Variants in FMNL1 observed in about 807,000 individuals in gnomAD.
FMNL1 encodes formin like 1.
Under a neutral mutation model 121.3 loss-of-function variants are expected in FMNL1, and 43 were observed. That is an observed-to-expected ratio of 0.35 (90% confidence interval 0.28 to 0.46). FMNL1 has a LOEUF of 0.46. FMNL1 is among the 20% of genes least tolerant of loss of function. FMNL1 has a pLI of 1.00. For missense variants in FMNL1, 1,191 were observed against 1,482.4 expected (o/e 0.80, Z 3.23); for synonymous variants, 613 against 613.5 (o/e 1.00, Z 0.01).
intron 1 of FMNL1, 115 bp downstream of exon 1, chr17:45,222,368 C>G (rs1442161482): frequency 1.1e-6 from 1 of 874,728 alleles, no homozygotes; most frequent in Non-Finnish European, 1.4e-6. Context: ...GATCCCCGGT[C>G]CGGCAGCTGC....
At position 45,243,186 on chromosome 17, in the gene FMNL1, C is replaced by A. The variant is rs779599301; in HGVS notation, c.2079C>A (p.Ser693Arg). ...TKSQGPSLDL[S>R]ALKSKAAQKA... ...CCCAAGGCCCCAGCCTGGACCTCAGCGCTCTCAAGAGTAAGGCAGCCCAGA... is the reference window on the plus strand; with the variant it reads ...CCCAAGGCCCCAGCCTGGACCTCAGAGCTCTCAAGAGTAAGGCAGCCCAGA... The change falls in exon 17 of 27, where the codon AGC becomes AGA. Residue 693 changes from serine (S) to arginine (R), a missense_variant. Ser to Arg is a moderately radical substitution (Grantham distance 110). Around this residue, in one of 4 missense-constraint regions of FMNL1, gnomAD observed 519 missense variants for 492.8 expected, o/e 1.05. Transcript: ENST00000331495. 10 of 1,614,236 alleles carry A rather than the reference C, an allele frequency of 6.2e-6. No individual in the cohort carries two copies. The South Asian group carries it at 1.1e-4, about 18-fold the overall frequency.
chr17:45,236,492 T>C (rs912750873), intron 7 of FMNL1: 14 of 406,692 alleles, frequency 3.4e-5, no homozygotes, highest in African/African-American at 2.9e-4. Context: ...GAGCCTCACA[T>C]AGGGACTGGG....
chr17:45,234,663 CAAAA>C (rs58221219), intron 6 of FMNL1: 44 of 69,138 alleles, frequency 6.4e-4, no homozygotes, highest in South Asian at 4.4e-3. Flanking sequence ...GACCCTGTCT[CAAAA>C]AAAAAAAAAA....
intron 15 of FMNL1, 70 bp downstream of exon 15, chr17:45,242,216 C>G (rs927409520): frequency 1.9e-6 from 3 of 1,551,588 alleles, no homozygotes; most frequent in Non-Finnish European, 8.7e-7. Flanking sequence ...GCCTCAGTGT[C>G]CTCCAGGGTC....
At chr17:45,222,523 C>T (rs2043248412) in intron 1 of FMNL1, among the ~76,000 whole-genome samples, 1 of 152,180 alleles carries the variant, frequency 6.6e-6, no homozygotes, top group African/African-American at 2.4e-5. Context: ...ACAAGTATGT[C>T]CTGTGAAGAA....
Position 45,242,364 on chromosome 17 carries a change from C to G in FMNL1, c.1909C>G (p.Gln637Glu). 1 of 1,614,088 alleles carries G rather than the reference C, an allele frequency of 6.2e-7. No homozygotes were observed. The highest frequency in any genetic ancestry group is 8.5e-7 in the Non-Finnish European group (1 of 1,179,944). The change falls in exon 16 of 27, where the codon CAG becomes GAG. Residue 637 changes from glutamine (Q) to glutamate (E), a missense_variant. Physicochemically the swap from Gln to Glu is conservative, Grantham distance 29. This residue lies in a region of FMNL1 where 519 missense variants were observed against 492.8 expected (regional missense o/e 1.05). Coordinates refer to ENST00000331495, the MANE Select transcript of FMNL1 (RefSeq NM_005892.4). The stretch of plus-strand genomic sequence containing the variant: ...AGGAGTGAAGGCCAAGAAGCCCATC[C>G]AGACTAAGTTCCGAATGCCACTCTT... ...GPGVKAKKPI[Q>E]TKFRMPLLNW...
Position 45,233,961 on chromosome 17 carries a change from C to T in FMNL1, c.486-111C>T, listed in dbSNP as rs886422189. The T allele has an allele frequency of 3.3e-5, 49 of 1,466,858 alleles. No individual in the cohort carries two copies. In the South Asian group the frequency reaches 3.9e-4, roughly 12 times the overall value. 90.9% of individuals were successfully genotyped at this position (1,466,858 alleles called of 1,614,324 possible). On this transcript the variant is annotated intron_variant, in intron 5 of 26. Coordinates refer to ENST00000331495, the MANE Select transcript of FMNL1 (RefSeq NM_005892.4). This position sits in a 1 kb window ranked among gnomAD's most constrained non-coding sequence, Gnocchi z 4.1. ...ACAGTGCCAAGAACACAGCCTCCTC[C>T]TCCTGCTCCTTAGTCTCACCTGCAG...
Position 45,244,973 on chromosome 17 carries a change from G to C in FMNL1, c.2599-6G>C. On this transcript the variant is annotated splice_polypyrimidine_tract_variant and splice_region_variant and intron_variant, in intron 20 of 26. Coordinates refer to ENST00000331495, the MANE Select transcript of FMNL1 (RefSeq NM_005892.4). ...GGCCTGTGGCTTACAATGGGTCCTT[G>C]TGCAGCTGTTGGAGATGAAGTCGAC... is the stretch of plus-strand genomic sequence containing the variant. 2 of 1,612,946 alleles carry C rather than the reference G, an allele frequency of 1.2e-6. No individual in the cohort carries two copies. Among genetic ancestry groups the C allele is most frequent in the Non-Finnish European group, 1.7e-6 (2 of 1,179,104 alleles).
intron 17 of FMNL1, among the ~76,000 whole-genome samples, chr17:45,243,574 C>A (rs188806520): frequency 2.0e-5 from 3 of 152,378 alleles, no homozygotes; most frequent in Admixed American, 2.0e-4. Context: ...GCCGGGCGTC[C>A]GCCGCTGACG....
At position 45,236,208 on chromosome 17, in the gene FMNL1, C is replaced by G; in HGVS notation, c.687C>G (p.Val229=). The change falls in exon 7 of 27, where the codon GTC becomes GTG. Residue 229 remains valine, a synonymous_variant. Coordinates refer to ENST00000331495, the MANE Select transcript of FMNL1 (RefSeq NM_005892.4). ...RIVSQKDDVH[V]CIMCLRAIMN... is the part of the protein sequence containing the mutation. ...TCAGCCAGAAGGACGACGTCCACGT[C>G]TGTATTATGTGCCTACGCGCCATCA... The G allele has an allele frequency of 5.6e-6, 9 of 1,614,074 alleles. No individual in the cohort carries two copies. The highest frequency in any genetic ancestry group is 6.8e-6 in the Non-Finnish European group (8 of 1,180,032).
In FMNL1 at chr17:45,236,704, A is replaced by G. The variant is rs367560572; in HGVS notation, c.723+460A>G. Reference sequence around the variant, plus strand: ...AGGCCAGGTGCAGTGGCTCATGCCTATAATCCCAGCACTTTGGGAGGCCGA... The same window carrying G: ...AGGCCAGGTGCAGTGGCTCATGCCTGTAATCCCAGCACTTTGGGAGGCCGA... On this transcript the variant is annotated intron_variant, in intron 7 of 26. Coordinates refer to ENST00000331495, the MANE Select transcript of FMNL1 (RefSeq NM_005892.4). The G allele has an allele frequency of 1.2e-4, 19 of 157,538 alleles. No individual in the cohort carries two copies. In the East Asian group the frequency reaches 1.5e-3, roughly 12 times the overall value. 9.8% of individuals were successfully genotyped at this position (157,538 alleles called of 1,614,324 possible).
rs111582442 is a variant in FMNL1, at chr17:45,232,911, A to G, written c.328-313A>G. 1,142 of 552,780 alleles carry G rather than the reference A, an allele frequency of 2.1e-3. 9 individuals are homozygous for G. The highest frequency in any genetic ancestry group is 0.017 in the African/African-American group (930 of 53,310). The allele number at this position is 552,780 out of a possible 1,614,324, so 34.2% of individuals were successfully genotyped here. A position where few individuals can be genotyped will look rare whatever the true frequency, so the allele number is the denominator to read the frequency against. ...ATGTCTGTATTTAGAGTGCAGGTAT[A>G]TGGATGTTCATGTGCTGTGTGTGTG... On this transcript the variant is annotated intron_variant, in intron 3 of 26. Transcript: ENST00000331495.
chr17:45,240,721 G>A, intron 12 of FMNL1, 96 bp downstream of exon 12: 2 of 1,471,686 alleles, frequency 1.4e-6, no homozygotes, highest in Non-Finnish European at 1.8e-6. Flanking sequence ...GCAGCAGACA[G>A]TGTTATAATT....
chr17:45,239,270 A>C, intron 11 of FMNL1: 1 of 583,682 alleles, frequency 1.7e-6, no homozygotes, highest in Non-Finnish European at 3.1e-6. Context: ...ATAGAAGATA[A>C]TCTTGACTCT....
Position 45,237,167 on chromosome 17 carries a change from G to C in FMNL1, c.724-114G>C, listed in dbSNP as rs1448851355. ...AGGTTTTGGTGGCCACAGAAGTTGC[G>C]GTTGGATACAAAGAACTTCCTAAAC... On this transcript the variant is annotated intron_variant, in intron 7 of 26. Coordinates refer to ENST00000331495, the MANE Select transcript of FMNL1 (RefSeq NM_005892.4). The surrounding 1 kb of genome is among the most constrained non-coding windows in gnomAD (Gnocchi z 4.4). 2.2e-6 allele frequency: 2 copies of C among 890,532 alleles called. No homozygotes were observed. The highest frequency in any genetic ancestry group is 3.6e-6 in the Non-Finnish European group (2 of 562,242). 55.2% of individuals were successfully genotyped at this position (890,532 alleles called of 1,614,324 possible).
rs763585700 is a variant in FMNL1, at chr17:45,243,146, A to G, written c.2039A>G (p.Gln680Arg). The change falls in exon 17 of 27, where the codon CAG becomes CGG. Residue 680 changes from glutamine to arginine, a missense_variant. By Grantham distance (43) the Gln-to-Arg change is conservative. Coordinates refer to ENST00000331495, the MANE Select transcript of FMNL1 (RefSeq NM_005892.4). ...CTAGACATGAGTGATTTTGAGGAAC[A>G]GTTCAAGACCAAGTCCCAAGGCCCC... ...QELDMSDFEEQFKTKSQGPSL... is the reference protein window; with the variant it reads ...QELDMSDFEERFKTKSQGPSL... 14 of 1,614,228 alleles carry G rather than the reference A, an allele frequency of 8.7e-6. No homozygotes were observed. The Admixed American group carries it at 1.3e-4, about 15-fold the overall frequency.
chr17:45,242,539 G>A (rs924409120), intron 16 of FMNL1, 74 bp downstream of exon 16: 1 of 1,546,504 alleles, frequency 6.5e-7, no homozygotes, highest in Non-Finnish European at 8.7e-7. Flanking sequence ...GCTGGGCCCT[G>A]GGGGTAGTCA....
In FMNL1 at chr17:45,222,037, C is replaced by T; in HGVS notation, c.-88C>T. 9.4e-7 allele frequency: 1 copy of T among 1,067,038 alleles called. No homozygotes were observed. Among genetic ancestry groups the T allele is most frequent in the Non-Finnish European group, 1.2e-6 (1 of 866,790 alleles). The allele number at this position is 1,067,038 out of a possible 1,614,324, so 66.1% of individuals were successfully genotyped here. A position where few individuals can be genotyped will look rare whatever the true frequency, so the allele number is the denominator to read the frequency against. On this transcript the variant is annotated 5_prime_UTR_variant, in exon 1 of 27. Transcript: ENST00000331495. ...CACCGCCAGCCGCTGCCCCCTCGCC[C>T]CCGCCCGGGCCGGGAGCCTCGTCCC...
rs1005946292 is a variant in FMNL1 at position 45,221,973 on chromosome 17, G to A, written c.-152G>A. On this transcript the variant is annotated 5_prime_UTR_variant, in exon 1 of 27. Coordinates refer to ENST00000331495, the MANE Select transcript of FMNL1 (RefSeq NM_005892.4). The stretch of plus-strand genomic sequence containing the variant: ...CGCCGCGCTCCGGCCCCTGCGCGCC[G>A]CTGAGCCGAGCGCCCCCCGCTGCCG... 2 of 500,710 alleles carry A rather than the reference G, an allele frequency of 4.0e-6. No individual in the cohort carries two copies. The highest frequency in any genetic ancestry group is 5.9e-6 in the Non-Finnish European group (2 of 340,798). 31.0% of individuals were successfully genotyped at this position (500,710 alleles called of 1,614,324 possible).
Sources: allele counts gnomAD v4.1 joint callset (sites outside exome capture counted in the v4.1 genomes callset), GRCh38; gene constraint gnomAD v4.1.1; regional missense constraint gnomAD v4.1.1; non-coding constraint Gnocchi (gnomAD v3.1); transcripts MANE v1.5; gene names NCBI Gene and HGNC (gene_info 2026-07-23, HGNC 2026-07-21).